The following SLC8A1 variants were observed in gnomAD, a reference collection of about 807,000 sequenced individuals.
The protein encoded by SLC8A1 is sodium/calcium exchanger 1.
In SLC8A1, 18 loss-of-function variants were observed where a neutral mutation model predicts 68.3. The ratio of observed to expected loss-of-function variants is 0.26; its 90% CI spans 0.18 to 0.39. SLC8A1 has a LOEUF of 0.39. Ranked by LOEUF, SLC8A1 falls within the 10% of genes least tolerant of loss-of-function variation. SLC8A1 has a pLI of 1.00. For missense variants in SLC8A1, 985 were observed against 1,156.7 expected (o/e 0.85, Z 2.15); for synonymous variants, 475 against 415.5 (o/e 1.14, Z -1.74).
upstream of SLC8A1, among the ~76,000 whole-genome samples, chr2:40,452,947 G>A (rs1052476236): frequency 1.3e-5 from 2 of 152,180 alleles, no homozygotes; most frequent in African/African-American, 4.8e-5. Flanking sequence ...ACCTAATGCA[G>A]CAATCGACGA....
chr2:40,131,418 A>C (rs920385377), intron 7 of SLC8A1, among the ~76,000 whole-genome samples: 3 of 152,192 alleles, frequency 2.0e-5, no homozygotes, highest in African/African-American at 7.2e-5. Flanking sequence ...GAAATGATGG[A>C]ATTAATCTGA....
chr2:40,376,988 A>T, intron 2 of SLC8A1, among the ~76,000 whole-genome samples: 1 of 152,092 alleles, frequency 6.6e-6, no homozygotes, highest in Non-Finnish European at 1.5e-5. Context: ...GGAACAATAC[A>T]TACAACTTGC....
intron 2 of SLC8A1, among the ~76,000 whole-genome samples, chr2:40,257,907 T>C (rs1247008107): frequency 6.6e-6 from 1 of 152,012 alleles, no homozygotes; most frequent in Non-Finnish European, 1.5e-5. Flanking sequence ...GCAGCAAAGA[T>C]AGATAATGCC....
chr2:40,201,138 A>T (rs994437653), intron 2 of SLC8A1, among the ~76,000 whole-genome samples: 2 of 151,822 alleles, frequency 1.3e-5, no homozygotes, highest in African/African-American at 4.8e-5. Flanking sequence ...GAAAAAAGTT[A>T]TCCATAAATA....
chr2:40,138,096 T>C lies in SLC8A1; in HGVS notation c.2437+1305A>G, dbSNP rs749937381. Among the ~76,000 whole-genome samples the C allele has an allele frequency of 3.3e-5, 5 of 152,362 alleles. No individual in the cohort carries two copies. In the South Asian group the frequency reaches 1.0e-3, roughly 32 times the overall value. On this transcript the variant is annotated intron_variant, in intron 7 of 7. Transcript: ENST00000406785. ...TAGATGCATAATTTGCAGGTATTTT[T>C]TTCCAATCTTGACCATAATTCTGCA...
At chr2:40,237,531 T>C (rs1448088647) in intron 2 of SLC8A1, among the ~76,000 whole-genome samples, 1 of 151,790 alleles carries the variant, frequency 6.6e-6, no homozygotes, top group African/African-American at 2.4e-5. Flanking sequence ...AGTTTTCAAC[T>C]TCTTTGCCTT....
intron 6 of SLC8A1, among the ~76,000 whole-genome samples, chr2:40,149,573 C>T (rs1479608402): frequency 1.3e-5 from 2 of 152,048 alleles, no homozygotes; most frequent in African/African-American, 4.8e-5. Flanking sequence ...AGAAATATGC[C>T]TGTGTCCTAC....
At chr2:40,500,204 C>G (rs1246467415) in intron 1 of SLC8A1, among the ~76,000 whole-genome samples, 1 of 152,014 alleles carries the variant, frequency 6.6e-6, no homozygotes. Flanking sequence ...AGTTACCTAC[C>G]CAGCAATCTA....
chr2:40,178,584 C>A, intron 2 of SLC8A1, 91 bp from the exon 3 acceptor site: 1 of 1,023,594 alleles, frequency 9.8e-7, no homozygotes, highest in Non-Finnish European at 1.5e-6. Flanking sequence ...TAACCAGCTG[C>A]ACTTTCAGAC....
chr2:40,266,714 C>T (rs563871506), intron 2 of SLC8A1, among the ~76,000 whole-genome samples: 40 of 152,300 alleles, frequency 2.6e-4, no homozygotes, highest in Admixed American at 3.9e-4. Context: ...GATCATTGCT[C>T]ACTTTCTCTT....
chr2:40,288,540 C>T (rs568888479), intron 2 of SLC8A1, among the ~76,000 whole-genome samples: 124 of 152,190 alleles, frequency 8.1e-4, no homozygotes, highest in African/African-American at 2.9e-3. Context: ...TTGAGGAAAA[C>T]TTCACAGGGA....
chr2:40,437,304 A>T (rs990951101), intron 1 of SLC8A1, among the ~76,000 whole-genome samples: 7 of 152,152 alleles, frequency 4.6e-5, no homozygotes, highest in Non-Finnish European at 1.0e-4. Flanking sequence ...CACCTGAATA[A>T]ATGTGTGTAG....
chr2:40,115,101 T>C (rs901122362), exon 8 of SLC8A1: 59 of 492,184 alleles, frequency 1.2e-4, no homozygotes, highest in Non-Finnish European at 1.7e-4. Context: ...GTGATGGTTT[T>C]TTACTTCGGC....
At chr2:40,108,276 G>A (rs556051816) in exon 8 of SLC8A1, 1 of 146,440 alleles carries the variant, frequency 6.8e-6, no homozygotes, top group Non-Finnish European at 1.5e-5. Flanking sequence ...ATTTGGAAAC[G>A]TGTGCCAAAA....
intron 2 of SLC8A1, among the ~76,000 whole-genome samples, chr2:40,237,985 G>T (rs1336672629): frequency 1.3e-5 from 2 of 152,082 alleles, no homozygotes; most frequent in Non-Finnish European, 2.9e-5. Flanking sequence ...GCTGCGTGCT[G>T]GGAGAACCAC....
At chr2:40,143,582 G>T (rs1032606687) in intron 6 of SLC8A1, among the ~76,000 whole-genome samples, 1 of 152,096 alleles carries the variant, frequency 6.6e-6, no homozygotes, top group Non-Finnish European at 1.5e-5. Flanking sequence ...TGGCTTCCCT[G>T]ATACACACTG....
chr2:40,162,604 A>G (rs1348818109), intron 5 of SLC8A1, among the ~76,000 whole-genome samples: 1 of 152,210 alleles, frequency 6.6e-6, no homozygotes, highest in East Asian at 1.9e-4. Flanking sequence ...GGATTATAGT[A>G]TAGCCAGGGT....
intron 1 of SLC8A1, among the ~76,000 whole-genome samples, chr2:40,432,667 G>C (rs886579586): frequency 1.3e-5 from 2 of 151,930 alleles, no homozygotes; most frequent in African/African-American, 4.8e-5. Context: ...GCAGGGCTCA[G>C]GAGTGGGAAT....
intron 1 of SLC8A1, among the ~76,000 whole-genome samples, chr2:40,505,991 T>C (rs1706341681): frequency 6.6e-6 from 1 of 151,982 alleles, no homozygotes; most frequent in Non-Finnish European, 1.5e-5. Flanking sequence ...TCGTTGAACA[T>C]AACAAGCTTG....
Sources: allele counts gnomAD v4.1 joint callset (sites outside exome capture counted in the v4.1 genomes callset), GRCh38; gene constraint gnomAD v4.1.1; transcripts MANE v1.5; gene names NCBI Gene and HGNC (gene_info 2026-07-23, HGNC 2026-07-21).